Variants in ABTB2 observed in about 807,000 individuals in gnomAD.
ABTB2 encodes ankyrin repeat and BTB domain containing 2.
Under a neutral mutation model 104.1 loss-of-function variants are expected in ABTB2, and 56 were observed. That is an observed-to-expected ratio of 0.54 (90% CI 0.43 to 0.67). ABTB2 has a LOEUF of 0.67. Among genes scored for constraint, ABTB2 ranks in the 30% least tolerant of loss-of-function variants. ABTB2 has a pLI of 0.00. For missense variants in ABTB2, 1,279 were observed against 1,407.7 expected (o/e 0.91, Z 1.46); for synonymous variants, 606 against 608.2 (o/e 1.00, Z 0.05).
intron 1 of ABTB2, among the ~76,000 whole-genome samples, chr11:34,300,720 G>A (rs11032605): frequency 6.6e-6 from 1 of 152,120 alleles, no homozygotes; most frequent in Non-Finnish European, 1.5e-5. Flanking sequence ...AAACTGGGGG[G>A]TGGGGGAGGT....
chr11:34,152,357 C>A lies in ABTB2; in HGVS notation c.*30G>T. 1 of 1,542,330 alleles carries A rather than the reference C, an allele frequency of 6.5e-7. No homozygotes were observed. Among genetic ancestry groups the A allele is most frequent in the Non-Finnish European group, 8.7e-7 (1 of 1,143,688 alleles). On this transcript the variant is annotated 3_prime_UTR_variant, in exon 17 of 17. Coordinates refer to ENST00000435224, the MANE Select transcript of ABTB2 (RefSeq NM_145804.3). ...TGGTGGGCCCTGGCACCTCCACAGG[C>A]CCTGGCCTCGGCAGCCTCCGCCCCC...
chr11:34,176,388 G>A (rs142407019), intron 3 of ABTB2, among the ~76,000 whole-genome samples: 1 of 151,518 alleles, frequency 6.6e-6, no homozygotes, highest in Non-Finnish European at 1.5e-5. Flanking sequence ...TTCCTAACCA[G>A]ACTGTTCCTT....
intron 1 of ABTB2, among the ~76,000 whole-genome samples, chr11:34,268,071 T>C (rs2133078651): frequency 6.6e-6 from 1 of 152,216 alleles, no homozygotes; most frequent in East Asian, 1.9e-4. Context: ...GCTGGGACTA[T>C]AGGCGCCAGC....
intron 1 of ABTB2, among the ~76,000 whole-genome samples, chr11:34,313,634 A>T (rs1854885453): frequency 6.6e-6 from 1 of 152,206 alleles, no homozygotes; most frequent in Non-Finnish European, 1.5e-5. Flanking sequence ...TACACATTTC[A>T]TGTAGACGGT....
chr11:34,207,476 T>G (rs1053795170), intron 1 of ABTB2, among the ~76,000 whole-genome samples: 7 of 152,228 alleles, frequency 4.6e-5, no homozygotes, highest in African/African-American at 1.4e-4. Flanking sequence ...CATCACAACT[T>G]TTGCCTAGTA....
intron 1 of ABTB2, chr11:34,335,188 G>A (rs1448001547): frequency 4.5e-5 from 57 of 1,263,960 alleles, no homozygotes; most frequent in South Asian, 4.4e-4. Context: ...ACAACTACAC[G>A]GGTACCCCAG....
At chr11:34,273,935 G>A (rs1854351223) in intron 1 of ABTB2, among the ~76,000 whole-genome samples, 1 of 151,672 alleles carries the variant, frequency 6.6e-6, no homozygotes, top group Non-Finnish European at 1.5e-5. Context: ...GGTGGATCAT[G>A]AGGTCAGGAG....
intron 2 of ABTB2, among the ~76,000 whole-genome samples, chr11:34,200,050 C>A (rs2957498): frequency 0.96 from 145,618 of 152,178 alleles, 70,008 homozygotes; most frequent in East Asian, 1. Flanking sequence ...AGAAACTGGC[C>A]TCACAACCAC....
intron 1 of ABTB2, among the ~76,000 whole-genome samples, chr11:34,304,109 G>T (rs186459124): frequency 5.1e-4 from 77 of 152,224 alleles, no homozygotes; most frequent in Non-Finnish European, 1.5e-5. Flanking sequence ...TGCTGAGGAC[G>T]GAATCATCCC....
At chr11:34,187,499 C>CTTTTTTTTTT (rs33924050) in intron 3 of ABTB2, among the ~76,000 whole-genome samples, 1 of 140,680 alleles carries the variant, frequency 7.1e-6, no homozygotes. Context: ...TCTTCTTTGC[C>CTTTTTTTTTT]TTTTTTTTTT....
intron 3 of ABTB2, among the ~76,000 whole-genome samples, chr11:34,186,574 T>G (rs1328182542): frequency 6.6e-6 from 1 of 152,160 alleles, no homozygotes; most frequent in Non-Finnish European, 1.5e-5. Flanking sequence ...ACACTCCAAA[T>G]GAATGAAGCT....
At chr11:34,228,665 C>T (rs576406630) in intron 1 of ABTB2, among the ~76,000 whole-genome samples, 2 of 152,210 alleles carry the variant, frequency 1.3e-5, no homozygotes, top group Non-Finnish European at 2.9e-5. Flanking sequence ...GCATGTGCCA[C>T]CGCACCCAGC....
intron 3 of ABTB2, among the ~76,000 whole-genome samples, chr11:34,174,768 A>C (rs1402817787): frequency 6.6e-6 from 1 of 152,162 alleles, no homozygotes; most frequent in Non-Finnish European, 1.5e-5. Context: ...CCCAGAATGG[A>C]CGGAGCTCTT....
At chr11:34,168,602 A>C (rs1852832885) in intron 5 of ABTB2, among the ~76,000 whole-genome samples, 1 of 152,206 alleles carries the variant, frequency 6.6e-6, no homozygotes, top group African/African-American at 2.4e-5. Flanking sequence ...GGAGCAGAGA[A>C]GGGGAACTGA....
chr11:34,210,415 A>C (rs746590633), intron 1 of ABTB2, among the ~76,000 whole-genome samples: 1 of 152,146 alleles, frequency 6.6e-6, no homozygotes, highest in Non-Finnish European at 1.5e-5. Context: ...TTTCCTCCAG[A>C]GCTATAACAC....
intron 3 of ABTB2, among the ~76,000 whole-genome samples, chr11:34,180,869 T>C (rs1853017940): frequency 1.3e-5 from 2 of 152,148 alleles, no homozygotes; most frequent in Admixed American, 6.5e-5. Context: ...ATTCCCCCCT[T>C]TAAAAAATGA....
chr11:34,193,864 C>G (rs186796046), intron 3 of ABTB2, among the ~76,000 whole-genome samples: 3 of 152,302 alleles, frequency 2.0e-5, no homozygotes, highest in Middle Eastern at 3.4e-3. Flanking sequence ...CAAGGCTGCC[C>G]GCTCACCACT....
chr11:34,335,586 T>A, intron 1 of ABTB2: 1 of 1,500,932 alleles, frequency 6.7e-7, no homozygotes, highest in African/African-American at 1.4e-5. Context: ...ACTTTCAAAG[T>A]TAAGTTTCTG....
chr11:34,343,938 C>T (rs1345797679), intron 1 of ABTB2, among the ~76,000 whole-genome samples: 2 of 152,122 alleles, frequency 1.3e-5, no homozygotes, highest in East Asian at 3.9e-4. Flanking sequence ...CAGACAGTGA[C>T]AACTCCTTCA....
Sources: allele counts gnomAD v4.1 joint callset (sites outside exome capture counted in the v4.1 genomes callset), GRCh38; gene constraint gnomAD v4.1.1; transcripts MANE v1.5; gene names NCBI Gene and HGNC (gene_info 2026-07-23, HGNC 2026-07-21).